CNTNAP4: variants seen among roughly 807,000 people sequenced by gnomAD.
CNTNAP4 encodes contactin-associated protein-like 4.
In CNTNAP4, 98 loss-of-function variants were observed where a neutral mutation model predicts 148.4. The ratio of observed to expected loss-of-function variants is 0.66; its 90% confidence interval spans 0.56 to 0.78. CNTNAP4 has a LOEUF of 0.78. Ranked by LOEUF, CNTNAP4 falls within the 30% of genes least tolerant of loss-of-function variation. CNTNAP4 has a pLI of 0.00. For missense variants in CNTNAP4, 1,935 were observed against 1,565.6 expected, an observed-to-expected ratio of 1.24 and a Z score of -3.98; for synonymous variants, 730 against 565.1, an observed-to-expected ratio of 1.29 and a Z score of -4.14.
intron 1 of CNTNAP4, among the ~76,000 whole-genome samples, chr16:76,302,963 G>C (rs1352067451): frequency 1.3e-5 from 2 of 152,018 alleles, no homozygotes; most frequent in Non-Finnish European, 2.9e-5. Context: ...TAGTCTTGTT[G>C]GAAAGAGTCC....
chr16:76,308,068 G>A (rs1960685490), intron 1 of CNTNAP4, among the ~76,000 whole-genome samples: 2 of 152,158 alleles, frequency 1.3e-5, no homozygotes, highest in Non-Finnish European at 2.9e-5. Flanking sequence ...CCCTGTCTTA[G>A]TAGTTTAGCT....
intron 4 of CNTNAP4, among the ~76,000 whole-genome samples, chr16:76,437,958 T>C (rs2079892985): frequency 6.6e-6 from 1 of 152,144 alleles, no homozygotes; most frequent in Admixed American, 6.6e-5. Context: ...ATAAAATATA[T>C]TTTAAAAGCC....
chr16:76,537,137 A>C (rs1161529935), intron 18 of CNTNAP4, among the ~76,000 whole-genome samples: 1 of 152,220 alleles, frequency 6.6e-6, no homozygotes, highest in African/African-American at 2.4e-5. Flanking sequence ...TCATTAAAAT[A>C]ACATGTCTTT....
At chr16:76,534,502 G>T (rs537099229) in intron 17 of CNTNAP4, among the ~76,000 whole-genome samples, 1 of 152,116 alleles carries the variant, frequency 6.6e-6, no homozygotes, top group Non-Finnish European at 1.5e-5. Flanking sequence ...GGTTATTTAG[G>T]TTAGGGTACT....
At chr16:76,401,789 A>C (rs1235642491) in intron 3 of CNTNAP4, among the ~76,000 whole-genome samples, 3 of 152,188 alleles carry the variant, frequency 2.0e-5, no homozygotes, top group African/African-American at 7.2e-5. Context: ...TTCCACATCT[A>C]TTGAGATAAT....
At chr16:76,474,724 A>G (rs549012425) in intron 10 of CNTNAP4, among the ~76,000 whole-genome samples, 7 of 152,180 alleles carry the variant, frequency 4.6e-5, no homozygotes, top group Admixed American at 4.6e-4. Context: ...CAATAACAAA[A>G]CTTTCCAAAC....
chr16:76,294,089 G>A (rs1014699946), intron 1 of CNTNAP4, among the ~76,000 whole-genome samples: 4 of 152,068 alleles, frequency 2.6e-5, no homozygotes, highest in Non-Finnish European at 5.9e-5. Flanking sequence ...AGATTTTGGA[G>A]AGCGAGTAAG....
chr16:76,321,071 C>G (rs1394444368), intron 2 of CNTNAP4, among the ~76,000 whole-genome samples: 1 of 152,036 alleles, frequency 6.6e-6, no homozygotes, highest in African/African-American at 2.4e-5. Context: ...ATAATATTTC[C>G]TGATGTTAAA....
At chr16:76,365,973 T>A (rs72628216) in intron 3 of CNTNAP4, among the ~76,000 whole-genome samples, 21,357 of 152,094 alleles carry the variant, frequency 0.14, 2,120 homozygotes, top group East Asian at 0.47. Context: ...ATTGATTTGC[T>A]TAATTTATCT....
At chr16:76,427,745 C>T in intron 4 of CNTNAP4, 146 bp downstream of exon 4, 1 of 614,848 alleles carries the variant, frequency 1.6e-6, no homozygotes, top group Non-Finnish European at 2.7e-6. Context: ...TTTGTGCATG[C>T]CTGTACATGC....
intron 10 of CNTNAP4, among the ~76,000 whole-genome samples, chr16:76,470,478 T>TACTAA: frequency 2.1e-5 from 1 of 46,664 alleles, no homozygotes; most frequent in East Asian, 6.2e-4. Flanking sequence ...ACGTCTCTAC[T>TACTAA]AATAATATAT....
chr16:76,413,700 C>A (rs564118818), intron 3 of CNTNAP4, among the ~76,000 whole-genome samples: 1 of 151,310 alleles, frequency 6.6e-6, no homozygotes, highest in East Asian at 1.9e-4. Context: ...TTGGTAGAAT[C>A]TATATATTAA....
At chr16:76,389,239 T>C (rs1023623107) in intron 3 of CNTNAP4, among the ~76,000 whole-genome samples, 3 of 152,214 alleles carry the variant, frequency 2.0e-5, no homozygotes, top group Non-Finnish European at 4.4e-5. Flanking sequence ...TCCATTTGTC[T>C]CATATAGATG....
chr16:76,423,157 G>T (rs2079251804), intron 3 of CNTNAP4, among the ~76,000 whole-genome samples: 2 of 152,074 alleles, frequency 1.3e-5, no homozygotes, highest in Admixed American at 1.3e-4. Context: ...CCAGAACTGT[G>T]AAAAATAAAT....
In CNTNAP4 at chr16:76,307,539, T is replaced by TATATATATATAC. The variant is rs558814796; in HGVS notation, c.86-8873_86-8872insTATATATATACA. ...ATATATATATATATATATATATATA[T>TATATATATATAC]ACCAAACTCCAGAAATGCTTACCCC... On this transcript the variant is annotated intron_variant, in intron 1 of 23. Transcript: ENST00000611870. Among the ~76,000 whole-genome samples, 660 of 119,294 alleles carry TATATATATATAC rather than the reference T, an allele frequency of 5.5e-3. 69 individuals are homozygous for TATATATATATAC. The highest frequency in any genetic ancestry group is 0.014 in the East Asian group (43 of 3,092). The allele number at this position is 119,294 out of a possible 152,430, so 78.3% of individuals were successfully genotyped here. A position where few individuals can be genotyped will look rare whatever the true frequency, so the allele number is the denominator to read the frequency against.
chr16:76,341,246 C>A (rs757353719), intron 2 of CNTNAP4, among the ~76,000 whole-genome samples: 50 of 152,166 alleles, frequency 3.3e-4, no homozygotes, highest in Non-Finnish European at 6.3e-4. Context: ...GGATCTTAAA[C>A]CTGTCCTTCC....
At chr16:76,313,704 C>G (rs948769001) in intron 1 of CNTNAP4, among the ~76,000 whole-genome samples, 1 of 152,138 alleles carries the variant, frequency 6.6e-6, no homozygotes, top group Non-Finnish European at 1.5e-5. Context: ...AAGTAAAATG[C>G]TACCTCAGGT....
At chr16:76,495,429 G>A (rs1290728865) in intron 14 of CNTNAP4, among the ~76,000 whole-genome samples, 2 of 151,862 alleles carry the variant, frequency 1.3e-5, no homozygotes, top group South Asian at 2.1e-4. Flanking sequence ...ACCTATAAAA[G>A]CTTTAAAATT....
intron 18 of CNTNAP4, 92 bp from the exon 19 acceptor site, chr16:76,538,024 T>G: frequency 2.0e-6 from 1 of 509,826 alleles, no homozygotes; most frequent in Non-Finnish European, 3.1e-6. Flanking sequence ...TCTATGCAAT[T>G]CATTAAAGAA....
Sources: gnomAD v4.1 joint callset for allele counts (sites outside exome capture counted in the v4.1 genomes callset) on GRCh38, gnomAD v4.1.1 for gene constraint, MANE v1.5 for transcripts, NCBI Gene and HGNC (gene_info 2026-07-23, HGNC 2026-07-21) for gene names.